Variants in THSD7A observed in about 807,000 individuals in gnomAD.
THSD7A encodes thrombospondin type 1 domain containing 7A.
A neutral mutation model predicts 231.3 loss-of-function variants in THSD7A; 96 were observed. That is an observed-to-expected ratio of 0.41 (90% CI 0.35 to 0.49). THSD7A has a LOEUF of 0.49. Among genes scored for constraint, THSD7A ranks in the 20% least tolerant of loss-of-function variants. The probability of loss-of-function intolerance (pLI) is 0.05; values close to 1 mark genes in which losing one functional copy is unlikely to be tolerated. For synonymous variants in THSD7A, 940 were observed against 743.3 expected (o/e 1.26, Z -4.30); for missense variants, 2,290 against 2,070.2 (o/e 1.11, Z -2.06).
chr7:11,754,923 T>A (rs1782624193), intron 1 of THSD7A, among the ~76,000 whole-genome samples: 1 of 152,064 alleles, frequency 6.6e-6, no homozygotes, highest in Non-Finnish European at 1.5e-5. Flanking sequence ...TCAGTGGTTC[T>A]CTAACTGTAT....
intron 2 of THSD7A, among the ~76,000 whole-genome samples, chr7:11,625,362 T>A (rs1355055314): frequency 6.6e-6 from 1 of 152,140 alleles, no homozygotes; most frequent in African/African-American, 2.4e-5. Flanking sequence ...TACAATGGCT[T>A]CTTGTATTAA....
chr7:11,605,469 C>T lies in THSD7A; in HGVS notation c.1023-11967G>A, dbSNP rs576804161. Among the ~76,000 whole-genome samples, 5 of 152,192 alleles carry T rather than the reference C, an allele frequency of 3.3e-5. No homozygotes were observed. In the East Asian group the frequency reaches 9.7e-4, roughly 29 times the overall value. On this transcript the variant is annotated intron_variant, in intron 2 of 27. Coordinates refer to ENST00000423059, the MANE Select transcript of THSD7A (RefSeq NM_015204.3). ...TGCTAATCAGAGCTGGGGCTGTGGACCAACACCATCAGCACTAACTGGGAC... is the reference window on the plus strand; with the variant it reads ...TGCTAATCAGAGCTGGGGCTGTGGATCAACACCATCAGCACTAACTGGGAC...
At chr7:11,394,707 C>T (rs1312036644) in intron 23 of THSD7A, among the ~76,000 whole-genome samples, 1 of 152,192 alleles carries the variant, frequency 6.6e-6, no homozygotes, top group African/African-American at 2.4e-5. Context: ...CACGCCTACA[C>T]TGAATAAAAG....
intron 1 of THSD7A, among the ~76,000 whole-genome samples, chr7:11,792,259 G>T (rs1207781176): frequency 6.6e-6 from 1 of 151,930 alleles, no homozygotes; most frequent in African/African-American, 2.4e-5. Flanking sequence ...GGTAATAGAA[G>T]AGCTTTTCAA....
chr7:11,607,065 C>T lies in THSD7A; in HGVS notation c.1023-13563G>A, dbSNP rs1287379464. Among the ~76,000 whole-genome samples, 8 of 152,002 alleles carry T rather than the reference C, an allele frequency of 5.3e-5. No homozygotes were observed. The East Asian group carries it at 1.5e-3, about 29-fold the overall frequency. On this transcript the variant is annotated intron_variant, in intron 2 of 27. Transcript: ENST00000423059. ...AATGAGAAGCTTTTCAAGGTAGATG[C>T]ATTTTTCACATATGCTAAGACAGCC...
At chr7:11,638,867 C>T (rs1242851542) in intron 1 of THSD7A, among the ~76,000 whole-genome samples, 3 of 152,000 alleles carry the variant, frequency 2.0e-5, no homozygotes, top group Non-Finnish European at 4.4e-5. Flanking sequence ...AATATATATT[C>T]ACAAATCTGG....
At chr7:11,530,856 C>T (rs540618125) in intron 6 of THSD7A, among the ~76,000 whole-genome samples, 1 of 152,110 alleles carries the variant, frequency 6.6e-6, no homozygotes, top group South Asian at 2.1e-4. Flanking sequence ...ACTAAAAATA[C>T]AAAAATTAGC....
intron 1 of THSD7A, among the ~76,000 whole-genome samples, chr7:11,806,718 G>C (rs1280477954): frequency 6.6e-6 from 1 of 152,132 alleles, no homozygotes. Flanking sequence ...CAGAACCTGA[G>C]GGAAAGCAGG....
In THSD7A at chr7:11,409,462, C is replaced by T. The variant is rs573036335; in HGVS notation, c.3798+1745G>A. 1.3e-3 allele frequency among the ~76,000 whole-genome samples: 193 copies of T among 152,268 alleles called. 1 individual carries two copies. Among genetic ancestry groups the T allele is most frequent in the Middle Eastern group, 0.01 (3 of 294 alleles). On this transcript the variant is annotated intron_variant, in intron 19 of 27. Coordinates refer to ENST00000423059, the MANE Select transcript of THSD7A (RefSeq NM_015204.3). The stretch of plus-strand genomic sequence containing the variant: ...GCATGTAAGCTTAAAGTCATCTAGG[C>T]TCCCATATAATTAAAATTAGTTATT...
Position 11,735,610 on chromosome 7 carries a change from A to G in THSD7A, c.190+96147T>C, listed in dbSNP as rs542799398. On this transcript the variant is annotated intron_variant, in intron 1 of 27. Coordinates refer to ENST00000423059, the MANE Select transcript of THSD7A (RefSeq NM_015204.3). ...TCTGAAATTCAAAACATTTCTGGTG[A>G]TAAATATTTTGGATAAAATATACAC... 2.0e-5 allele frequency among the ~76,000 whole-genome samples: 3 copies of G among 152,090 alleles called. No individual in the cohort carries two copies. The South Asian group carries it at 6.2e-4, about 32-fold the overall frequency.
intron 1 of THSD7A, among the ~76,000 whole-genome samples, chr7:11,714,036 A>T (rs1781049928): frequency 6.6e-6 from 1 of 151,244 alleles, no homozygotes. Context: ...ATTTAAGTTA[A>T]ATATGTGTCT....
At position 11,406,348 on chromosome 7, in the gene THSD7A, C is replaced by T. The variant is rs1783581051; in HGVS notation, c.4189G>A (p.Gly1397Ser). ...TCCTCCAGAACCATATTTTTATTAC[C>T]ATCTATAATGAGTTCAATGTCAGCA... ...FCADIELIID[G>S]NKNMVLEESC... is the part of the protein sequence containing the mutation. The change falls in exon 22 of 28, where the codon GGT becomes AGT. Residue 1397 changes from glycine (G) to serine (S), a missense_variant. Physicochemically the swap from Gly to Ser is moderately conservative, Grantham distance 56. Transcript: ENST00000423059. This position sits in a 1 kb window ranked among gnomAD's most constrained non-coding sequence, Gnocchi z 4.7. 1 of 1,613,100 alleles carries T rather than the reference C, an allele frequency of 6.2e-7. No homozygotes were observed. Among genetic ancestry groups the T allele is most frequent in the Admixed American group, 1.7e-5 (1 of 59,852 alleles).
intron 1 of THSD7A, among the ~76,000 whole-genome samples, chr7:11,732,122 A>C (rs921457298): frequency 1.3e-5 from 2 of 151,616 alleles, no homozygotes; most frequent in African/African-American, 2.4e-5. Context: ...ATATTAGCTG[A>C]AAAAAGAGAT....
chr7:11,496,450 C>A (rs902722913), intron 6 of THSD7A, among the ~76,000 whole-genome samples: 1 of 152,030 alleles, frequency 6.6e-6, no homozygotes, highest in Non-Finnish European at 1.5e-5. Context: ...AACACTTGCC[C>A]AAGGTTACAC....
intron 1 of THSD7A, among the ~76,000 whole-genome samples, chr7:11,734,235 A>G (rs1000597968): frequency 3.3e-5 from 5 of 152,068 alleles, no homozygotes; most frequent in Middle Eastern, 6.8e-3. Flanking sequence ...TCTAACTTAA[A>G]ATTTTGCCTC....
In THSD7A at chr7:11,697,631, A is replaced by G. The variant is rs150165311; in HGVS notation, c.191-60670T>C. 6.4e-4 allele frequency among the ~76,000 whole-genome samples: 97 copies of G among 151,514 alleles called. No individual in the cohort carries two copies. The East Asian group carries it at 0.015, about 23-fold the overall frequency. The stretch of plus-strand genomic sequence containing the variant: ...TGTTTATTAGACTCCAAAAGATAAT[A>G]ATAATCATTGATATTTTATAGTTTA... On this transcript the variant is annotated intron_variant, in intron 1 of 27. Transcript: ENST00000423059.
rs1373277980 is a variant in THSD7A at position 11,679,835 on chromosome 7, GA to G, written c.191-42875del. On this transcript the variant is annotated intron_variant, in intron 1 of 27. Transcript: ENST00000423059. Reference sequence around the variant, plus strand: ...ACCACTGCCTTTCTTCATAGAATTGGAAAAAACTACTTTAAATTTCATATGG... The same window carrying G: ...ACCACTGCCTTTCTTCATAGAATTGGAAAAACTACTTTAAATTTCATATGG... Among the ~76,000 whole-genome samples the G allele has an allele frequency of 7.9e-5, 12 of 152,000 alleles. No homozygotes were observed. The East Asian group carries it at 2.1e-3, about 27-fold the overall frequency.
chr7:11,770,331 T>C (rs1004753598), intron 1 of THSD7A, among the ~76,000 whole-genome samples: 2 of 152,168 alleles, frequency 1.3e-5, no homozygotes, highest in African/African-American at 4.8e-5. Context: ...TCAAGAATTA[T>C]ATTTTAATTG....
At chr7:11,679,109 C>G (rs1185401732) in intron 1 of THSD7A, among the ~76,000 whole-genome samples, 3 of 152,188 alleles carry the variant, frequency 2.0e-5, no homozygotes, top group Non-Finnish European at 2.9e-5. Context: ...ACATGATTAT[C>G]TTAACAGATG....
Sources: gnomAD v4.1 joint callset for allele counts (sites outside exome capture counted in the v4.1 genomes callset) on GRCh38, gnomAD v4.1.1 for gene constraint, Gnocchi (gnomAD v3.1) non-coding constraint, MANE v1.5 for transcripts, NCBI Gene and HGNC (gene_info 2026-07-23, HGNC 2026-07-21) for gene names.